CABIN1: variants seen among roughly 807,000 people sequenced by gnomAD.
CABIN1 encodes the protein calcineurin binding protein 1.
Under a neutral mutation model 227.7 loss-of-function variants are expected in CABIN1, and 133 were observed. That is an observed-to-expected ratio of 0.58 (90% confidence interval 0.51 to 0.67). CABIN1 has a LOEUF of 0.67. Ranked by LOEUF, CABIN1 falls within the 30% of genes least tolerant of loss-of-function variation. CABIN1 has a pLI of 0.00. For synonymous variants in CABIN1, 1,086 were observed against 1,155.1 expected, an observed-to-expected ratio of 0.94 and a Z score of 1.21; for missense variants, 2,408 against 2,852.5, an observed-to-expected ratio of 0.84 and a Z score of 3.55.
chr22:24,078,412 G>T (rs928999742), intron 19 of CABIN1, among the ~76,000 whole-genome samples: 2 of 152,198 alleles, frequency 1.3e-5, no homozygotes, highest in African/African-American at 4.8e-5. Context: ...AAGGTTGAAT[G>T]CTTCATTACT....
At position 24,122,032 on chromosome 22, in the gene CABIN1, G is replaced by C. The variant is rs118183980; in HGVS notation, c.4632+2334G>C. 8.9e-3 allele frequency among the ~76,000 whole-genome samples: 1,361 copies of C among 152,268 alleles called. 15 individuals carry two copies. Among genetic ancestry groups the C allele is most frequent in the Non-Finnish European group, 0.014 (942 of 68,008 alleles). Reference sequence around the variant, plus strand: ...GACAGCAGGTTTGGGTGGGAGGAGAGTTGAGTAGCGATACGGGCCCCACCC... The same window carrying C: ...GACAGCAGGTTTGGGTGGGAGGAGACTTGAGTAGCGATACGGGCCCCACCC... On this transcript the variant is annotated intron_variant, in intron 28 of 36. Transcript: ENST00000263119.
At chr22:24,071,773 C>A (rs2040103309) in intron 17 of CABIN1, among the ~76,000 whole-genome samples, 1 of 152,194 alleles carries the variant, frequency 6.6e-6, no homozygotes, top group African/African-American at 2.4e-5. Flanking sequence ...ACTTAAGGTA[C>A]ACTGAGCTCC....
intron 28 of CABIN1, among the ~76,000 whole-genome samples, chr22:24,130,717 C>T (rs1238714629): frequency 1.3e-5 from 2 of 152,196 alleles, no homozygotes; most frequent in Non-Finnish European, 2.9e-5. Flanking sequence ...CTGTCAGCAC[C>T]TATCTGGGGC....
chr22:24,059,688 C>T (rs1413266246), intron 11 of CABIN1, among the ~76,000 whole-genome samples: 2 of 152,150 alleles, frequency 1.3e-5, no homozygotes, highest in African/African-American at 4.8e-5. Context: ...TGGAGGTCTG[C>T]CCTTTTGATG....
chr22:24,176,459 AAG>A (rs2047114719), intron 35 of CABIN1, among the ~76,000 whole-genome samples, 184 bp downstream of exon 35: 1 of 152,144 alleles, frequency 6.6e-6, no homozygotes, highest in South Asian at 2.1e-4. Context: ...GCCCAGGCTG[AAG>A]AGTTTAATGC....
At chr22:24,030,498 C>T (rs925060097) in intron 1 of CABIN1, among the ~76,000 whole-genome samples, 1 of 152,146 alleles carries the variant, frequency 6.6e-6, no homozygotes, top group Admixed American at 6.5e-5. Flanking sequence ...TGGAGAGGTG[C>T]CAAGTGCTGC....
At chr22:24,164,828 C>G (rs987978384) in intron 30 of CABIN1, among the ~76,000 whole-genome samples, 1 of 152,190 alleles carries the variant, frequency 6.6e-6, no homozygotes, top group South Asian at 2.1e-4. Context: ...CCCAGCCTTT[C>G]CTTTCCTCCT....
chr22:24,027,826 A>G (rs1226285463), intron 1 of CABIN1, among the ~76,000 whole-genome samples: 1 of 152,204 alleles, frequency 6.6e-6, no homozygotes, highest in African/African-American at 2.4e-5. Context: ...ACTGTGAGCC[A>G]ATACATTACT....
intron 25 of CABIN1, among the ~76,000 whole-genome samples, chr22:24,097,593 A>G (rs1602066444): frequency 6.6e-6 from 1 of 152,242 alleles, no homozygotes; most frequent in South Asian, 2.1e-4. Context: ...ATGTTGCAGC[A>G]CATATCCTTG....
chr22:24,063,558 A>G (rs935756004), intron 14 of CABIN1, among the ~76,000 whole-genome samples: 1 of 152,140 alleles, frequency 6.6e-6, no homozygotes, highest in Admixed American at 6.5e-5. Context: ...GTTCTGGGAA[A>G]GCTTCCCTTC....
intron 29 of CABIN1, among the ~76,000 whole-genome samples, chr22:24,139,583 G>T (rs2044626200): frequency 6.6e-6 from 1 of 151,850 alleles, no homozygotes; most frequent in African/African-American, 2.4e-5. Context: ...AAAAAAAAGT[G>T]TGCGTGTGTG....
At chr22:24,021,007 T>G (rs2035684964) in intron 1 of CABIN1, among the ~76,000 whole-genome samples, 1 of 150,140 alleles carries the variant, frequency 6.7e-6, no homozygotes, top group Non-Finnish European at 1.5e-5. Context: ...TTAAAAAAAT[T>G]TTTTTTTTTT....
At chr22:24,111,155 A>G (rs1399677035) in intron 26 of CABIN1, among the ~76,000 whole-genome samples, 1 of 152,238 alleles carries the variant, frequency 6.6e-6, no homozygotes, top group Non-Finnish European at 1.5e-5. Context: ...AAACAAAAGT[A>G]GGTTGAAATT....
At chr22:24,051,944 G>A (rs1382010823) in intron 8 of CABIN1, among the ~76,000 whole-genome samples, 5 of 152,070 alleles carry the variant, frequency 3.3e-5, no homozygotes, top group East Asian at 1.9e-4. Context: ...CCCGAGCACC[G>A]AGATGGCCAG....
chr22:24,077,210 C>T (rs901208446), intron 19 of CABIN1, among the ~76,000 whole-genome samples: 4 of 152,150 alleles, frequency 2.6e-5, no homozygotes, highest in East Asian at 1.9e-4. Flanking sequence ...TTCCCCTCAG[C>T]GCTTAACCTC....
At chr22:24,042,830 G>GAC (rs1569112178) in intron 5 of CABIN1, 74 bp from the exon 6 acceptor site, 9 of 600,412 alleles carry the variant, frequency 1.5e-5, no homozygotes, top group Non-Finnish European at 3.0e-6. Context: ...GTGTGTGTGT[G>GAC]TGTGTGTGTG....
chr22:24,156,227 C>T (rs946028313), intron 29 of CABIN1, among the ~76,000 whole-genome samples: 1 of 152,074 alleles, frequency 6.6e-6, no homozygotes, highest in South Asian at 2.1e-4. Context: ...CTGGCGGCCG[C>T]CCCCCGCCTC....
chr22:24,101,674 C>G (rs2042208612), intron 26 of CABIN1: 1 of 152,294 alleles, frequency 6.6e-6, no homozygotes, highest in South Asian at 2.1e-4. Flanking sequence ...TTCCGTCAAT[C>G]TCTTGGAATT....
chr22:24,014,558 C>T (rs943648063), intron 1 of CABIN1, among the ~76,000 whole-genome samples: 2 of 152,146 alleles, frequency 1.3e-5, no homozygotes, highest in Middle Eastern at 3.2e-3. Context: ...CCATTTTCTA[C>T]AGTTACTTAG....
Sources: gnomAD v4.1 joint callset for allele counts (sites outside exome capture counted in the v4.1 genomes callset) on GRCh38, gnomAD v4.1.1 for gene constraint, MANE v1.5 for transcripts, NCBI Gene and HGNC (gene_info 2026-07-23, HGNC 2026-07-21) for gene names.